TMPRSS4: variants seen among roughly 807,000 people sequenced by gnomAD.
TMPRSS4 encodes transmembrane serine protease 4.
In TMPRSS4, 45 loss-of-function variants were observed where a neutral mutation model predicts 56.4. The ratio of observed to expected loss-of-function variants is 0.80; its 90% CI spans 0.63 to 1.02. The LOEUF (loss-of-function observed/expected upper bound fraction) is 1.02, where lower values mean the gene tolerates loss of function less well. Among genes scored for constraint, TMPRSS4 ranks in the 50% least tolerant of loss-of-function variants. The pLI is 0.00. For synonymous variants in TMPRSS4, 205 were observed against 211.0 expected, an observed-to-expected ratio of 0.97 and a Z score of 0.25; for missense variants, 546 against 556.7, an observed-to-expected ratio of 0.98 and a Z score of 0.19.
In TMPRSS4 at chr11:118,118,898, G is replaced by A; in HGVS notation, c.*985G>A. 1 of 985,428 alleles carries A rather than the reference G, an allele frequency of 1.0e-6. No homozygotes were observed. Among genetic ancestry groups the A allele is most frequent in the Non-Finnish European group, 1.2e-6 (1 of 829,948 alleles). 61.0% of individuals were successfully genotyped at this position (985,428 alleles called of 1,614,324 possible). A position where few individuals can be genotyped will look rare whatever the true frequency, so the allele number is the denominator to read the frequency against. ...AAAAAACAAAAAGGATCAGCTGCCA[G>A]GTGTGAGGCAGTCCCCAAGCTGAGT... On this transcript the variant is annotated 3_prime_UTR_variant, in exon 13 of 13. Transcript: ENST00000437212.
chr11:118,080,333 A>T (rs1324028794), intron 1 of TMPRSS4, among the ~76,000 whole-genome samples: 1 of 152,220 alleles, frequency 6.6e-6, no homozygotes, highest in East Asian at 1.9e-4. Context: ...TGTGAACAGC[A>T]AGAAAGAGTG....
chr11:118,079,996 T>C (rs1380939987), intron 1 of TMPRSS4, among the ~76,000 whole-genome samples: 1 of 152,102 alleles, frequency 6.6e-6, no homozygotes, highest in Non-Finnish European at 1.5e-5. Context: ...CTGGTGTCAC[T>C]GTAACCACTC....
intron 1 of TMPRSS4, among the ~76,000 whole-genome samples, chr11:118,083,002 T>A (rs1735697854): frequency 1.3e-5 from 2 of 152,044 alleles, no homozygotes; most frequent in South Asian, 4.2e-4. Context: ...AGAGCTGCAG[T>A]GTTTGAAAGG....
At chr11:118,105,606 G>A (rs1946947999) in intron 5 of TMPRSS4, 1 of 152,088 alleles carries the variant, frequency 6.6e-6, no homozygotes, top group African/African-American at 2.4e-5. Context: ...TTCTCATGTA[G>A]GACATCATCT....
chr11:118,078,581 G>A (rs1214621628), intron 1 of TMPRSS4, among the ~76,000 whole-genome samples: 1 of 152,166 alleles, frequency 6.6e-6, no homozygotes, highest in Non-Finnish European at 1.5e-5. Flanking sequence ...CCCAAAGTTT[G>A]GCCTGTGTGC....
intron 4 of TMPRSS4, 88 bp downstream of exon 4, chr11:118,103,341 C>A: frequency 6.8e-7 from 1 of 1,464,212 alleles, no homozygotes; most frequent in Non-Finnish European, 9.2e-7. Context: ...TATCTGCCCC[C>A]TACTTGTCAC....
At chr11:118,107,346 A>C (rs1947044859) in intron 5 of TMPRSS4, 1 of 154,726 alleles carries the variant, frequency 6.5e-6, no homozygotes, top group Admixed American at 6.5e-5. Flanking sequence ...GGAGAACGAA[A>C]TATCCACATT....
intron 7 of TMPRSS4, among the ~76,000 whole-genome samples, chr11:118,110,906 A>C (rs1187740147): frequency 1.3e-5 from 2 of 152,216 alleles, no homozygotes; most frequent in African/African-American, 4.8e-5. Context: ...TTTTTAGAGA[A>C]CTACAAGCAG....
At chr11:118,079,813 C>T (rs569460206) in intron 1 of TMPRSS4, among the ~76,000 whole-genome samples, 89 of 152,320 alleles carry the variant, frequency 5.8e-4, no homozygotes, top group African/African-American at 2.0e-3. Context: ...GCAGGGTCCA[C>T]CCTGACTGGG....
intron 4 of TMPRSS4, 141 bp from the exon 5 acceptor site, chr11:118,104,550 C>T: frequency 1.5e-6 from 2 of 1,346,952 alleles, no homozygotes; most frequent in South Asian, 2.8e-5. Context: ...GAAGAAATTC[C>T]CTTGACATTG....
intron 7 of TMPRSS4, among the ~76,000 whole-genome samples, chr11:118,110,396 A>G (rs1036636330): frequency 6.6e-6 from 1 of 151,472 alleles, no homozygotes; most frequent in South Asian, 2.1e-4. Flanking sequence ...GCCTGGAGTA[A>G]AGTGTTGCGA....
chr11:118,099,491 A>AAGAAAGAAAGAG, intron 3 of TMPRSS4, among the ~76,000 whole-genome samples: 1 of 151,682 alleles, frequency 6.6e-6, no homozygotes, highest in Non-Finnish European at 1.5e-5. Context: ...AAAAGAAAGA[A>AAGAAAGAAAGAG]AGAAAGAAAG....
chr11:118,082,101 A>G (rs1285646348), intron 1 of TMPRSS4, among the ~76,000 whole-genome samples: 2 of 152,232 alleles, frequency 1.3e-5, no homozygotes, highest in African/African-American at 4.8e-5. Context: ...CGTAGGAGTC[A>G]CTGGTGGTCT....
intron 7 of TMPRSS4, 89 bp from the exon 8 acceptor site, chr11:118,111,652 C>A (rs1947283070): frequency 8.8e-7 from 1 of 1,136,080 alleles, no homozygotes; most frequent in Non-Finnish European, 1.2e-6. Context: ...AAGGGCCCTG[C>A]TTAGAGCAGA....
At chr11:118,095,240 G>A (rs1173698768) in intron 2 of TMPRSS4, 1 of 174,808 alleles carries the variant, frequency 5.7e-6, no homozygotes, top group African/African-American at 2.4e-5. Context: ...ACATTGGCCA[G>A]AGGCATTTTC....
intron 3 of TMPRSS4, 74 bp from the exon 4 acceptor site, chr11:118,103,027 C>T (rs1946795973): frequency 6.4e-7 from 1 of 1,572,634 alleles, no homozygotes; most frequent in South Asian, 1.2e-5. Context: ...GCACTATCGC[C>T]AGGAAAACCC....
At chr11:118,100,471 G>C (rs1946677175) in intron 3 of TMPRSS4, among the ~76,000 whole-genome samples, 1 of 152,192 alleles carries the variant, frequency 6.6e-6, no homozygotes, top group African/African-American at 2.4e-5. Flanking sequence ...GAGAGGAGGA[G>C]TGGCAGTCAG....
At position 118,108,891 on chromosome 11, in the gene TMPRSS4, G is replaced by C. The variant is rs45441097; in HGVS notation, c.578G>C (p.Cys193Ser). Residue 193 changes from cysteine to serine, a missense_variant, in exon 7 of 13, where the codon TGT becomes TCT. Transcript: ENST00000437212. ...TCAGGCTCCCTGGTCTCCCTGCACT[G>C]TCTTGGTGAGTACCCCCAATCTCTG... ...CLSGSLVSLHCLACGKSLKTP... is the reference protein window; with the variant it reads ...CLSGSLVSLHSLACGKSLKTP... The C allele has an allele frequency of 4.2e-3, 6,736 of 1,614,030 alleles. 20 individuals are homozygous for C. The highest frequency in any genetic ancestry group is 7.9e-3 in the Middle Eastern group (48 of 6,062).
intron 9 of TMPRSS4, among the ~76,000 whole-genome samples, chr11:118,114,061 A>C (rs1449244824): frequency 6.6e-6 from 1 of 152,244 alleles, no homozygotes; most frequent in Non-Finnish European, 1.5e-5. Context: ...AGGTAGGAGA[A>C]GTTTTTAAAA....
Sources: gnomAD v4.1 joint callset for allele counts (sites outside exome capture counted in the v4.1 genomes callset) on GRCh38, gnomAD v4.1.1 for gene constraint, MANE v1.5 for transcripts, NCBI Gene and HGNC (gene_info 2026-07-23, HGNC 2026-07-21) for gene names.